DCAF13: variants seen among roughly 807,000 people sequenced by gnomAD.
DCAF13 encodes DDB1 and CUL4 associated factor 13.
DCAF13 carries 38 observed loss-of-function variants against 59.0 expected under a neutral mutation model. That is an observed-to-expected ratio of 0.64 (90% CI 0.50 to 0.84). DCAF13 has a LOEUF of 0.84. Ranked by LOEUF, DCAF13 falls within the 40% of genes least tolerant of loss-of-function variation. The pLI, the probability that DCAF13 is intolerant of heterozygous loss-of-function variation, is 0.00. For synonymous variants in DCAF13, 173 were observed against 175.0 expected (o/e 0.99, Z 0.09); for missense variants, 469 against 558.4 (o/e 0.84, Z 1.61).
rs1222458754 is a variant in DCAF13, at chr8:103,442,944, AAT to A, written c.*64_*65del. On this transcript the variant is annotated 3_prime_UTR_variant, in exon 11 of 11. Transcript: ENST00000612750. ...TTACTTTTGATTTGAGAACTCTACA[AAT>A]AAAAGTGCTGGGACTAGATTAATTG... 1.7e-6 allele frequency: 2 copies of A among 1,193,404 alleles called. No individual in the cohort carries two copies. The highest frequency in any genetic ancestry group is 2.4e-6 in the Non-Finnish European group (2 of 837,398). The allele number at this position is 1,193,404 out of a possible 1,614,324, so 73.9% of individuals were successfully genotyped here. A position where few individuals can be genotyped will look rare whatever the true frequency, so the allele number is the denominator to read the frequency against.
intron 8 of DCAF13, 61 bp downstream of exon 8, chr8:103,435,851 T>C: frequency 6.5e-7 from 1 of 1,531,710 alleles, no homozygotes; most frequent in South Asian, 1.1e-5. Flanking sequence ...GGATGCATTC[T>C]GAGAAATGAG....
At position 103,432,719 on chromosome 8, in the gene DCAF13, AC is replaced by A; in HGVS notation, c.764del (p.Thr255LysfsTer21). 6.2e-7 allele frequency: 1 copy of A among 1,600,956 alleles called. No individual in the cohort carries two copies. The highest frequency in any genetic ancestry group is 2.2e-5 in the East Asian group (1 of 44,684). ...CWNPMEAFIF[T>X]AANEDYNLYT... ...GAACCCTATGGAAGCTTTCATTTTT[AC>A]AGCAGCAAATGAAGATTATAAGTAA... On this transcript the variant is annotated frameshift_variant, in exon 7 of 11. Coordinates refer to ENST00000612750, the MANE Select transcript of DCAF13 (RefSeq NM_015420.7). LOFTEE classifies it high-confidence loss of function.
At chr8:103,416,943 G>C (rs544424804) in intron 1 of DCAF13, among the ~76,000 whole-genome samples, 166 of 152,322 alleles carry the variant, frequency 1.1e-3, no homozygotes, top group African/African-American at 3.9e-3. Context: ...CATCAGAGTA[G>C]ATAGAAATTT....
chr8:103,430,947 CTAAT>C (rs1306312260), intron 6 of DCAF13, among the ~76,000 whole-genome samples: 1 of 152,068 alleles, frequency 6.6e-6, no homozygotes, highest in Non-Finnish European at 1.5e-5. Flanking sequence ...TTTTAGGCCT[CTAAT>C]TAATACTTAC....
rs553951296 is a variant in DCAF13, at chr8:103,431,320, G to T, written c.702+631G>T. ...AAGGAGTGCCATTGTAAGTAAAAGG[G>T]TATAAAGTTTATTTCAGGTACTAGA... On this transcript the variant is annotated intron_variant, in intron 6 of 10. Coordinates refer to ENST00000612750, the MANE Select transcript of DCAF13 (RefSeq NM_015420.7). Among the ~76,000 whole-genome samples, 143 of 152,304 alleles carry T rather than the reference G, an allele frequency of 9.4e-4. 1 individual carries two copies. The highest frequency in any genetic ancestry group is 8.8e-4 in the Non-Finnish European group (60 of 68,020).
chr8:103,418,864 ATATTTTTTTTTTTT>A (rs1424096707), intron 1 of DCAF13, among the ~76,000 whole-genome samples: 29 of 27,954 alleles, frequency 1.0e-3, no homozygotes, highest in African/African-American at 5.2e-3. Flanking sequence ...ATATATATAT[ATATTTTTTTTTTTT>A]TTTTTTTTTT....
At chr8:103,421,677 T>C (rs1171097757) in intron 3 of DCAF13, among the ~76,000 whole-genome samples, 3 of 152,216 alleles carry the variant, frequency 2.0e-5, no homozygotes, top group Non-Finnish European at 2.9e-5. Flanking sequence ...CTCATATAAA[T>C]AGAAGCATAT....
In DCAF13 at chr8:103,440,253, T is replaced by C; in HGVS notation, c.1068T>C (p.Ala356=). 1 of 1,587,104 alleles carries C rather than the reference T, an allele frequency of 6.3e-7. No individual in the cohort carries two copies. Among genetic ancestry groups the C allele is most frequent in the Admixed American group, 1.8e-5 (1 of 54,466 alleles). Residue 356 remains alanine, a synonymous_variant, in exon 9 of 11, where the codon GCT becomes GCC. Transcript: ENST00000612750. The part of the protein sequence containing the change: ...EMNIRLWKAN[A]SEKLGVLTSR... ...ACATTCGCCTGTGGAAAGCTAATGC[T>C]TCTGAAAAATTGGGTGTGGTAAGAG...
intron 1 of DCAF13, among the ~76,000 whole-genome samples, chr8:103,418,486 T>G (rs754711199): frequency 3.9e-5 from 6 of 151,992 alleles, no homozygotes; most frequent in Non-Finnish European, 4.4e-5. Context: ...TAGGCTATAG[T>G]CATATCACTG....
intron 4 of DCAF13, among the ~76,000 whole-genome samples, chr8:103,426,684 T>C (rs1322263272): frequency 2.0e-5 from 3 of 152,200 alleles, no homozygotes; most frequent in African/African-American, 7.2e-5. Context: ...TTTACATTTT[T>C]ATATTAAGCA....
Position 103,432,708 on chromosome 8 carries a change from C to T in DCAF13, c.752C>T (p.Ala251Val), listed in dbSNP as rs1816883096. 1 of 1,605,498 alleles carries T rather than the reference C, an allele frequency of 6.2e-7. No homozygotes were observed. The highest frequency in any genetic ancestry group is 8.5e-7 in the Non-Finnish European group (1 of 1,173,562). Residue 251 changes from alanine (A) to valine (V), a missense_variant, in exon 7 of 11, where the codon GCT becomes GTT. Transcript: ENST00000612750. The stretch of plus-strand genomic sequence containing the variant: ...ACAATCTGTTGGAACCCTATGGAAG[C>T]TTTCATTTTTACAGCAGCAAATGAA... ...TNTICWNPME[A>V]FIFTAANEDY...
Position 103,420,348 on chromosome 8 carries a change from G to A in DCAF13, c.155G>A (p.Arg52Gln). The A allele has an allele frequency of 1.9e-6, 3 of 1,614,160 alleles. No homozygotes were observed. Among genetic ancestry groups the A allele is most frequent in the South Asian group, 1.1e-5 (1 of 91,064 alleles). Residue 52 changes from arginine (R) to glutamine (Q), a missense_variant, in exon 2 of 11, where the codon CGA becomes CAA. Around this residue, in one of 3 missense-constraint regions of DCAF13, gnomAD observed 355 missense variants for 399.1 expected, o/e 0.89. Coordinates refer to ENST00000612750, the MANE Select transcript of DCAF13 (RefSeq NM_015420.7). ...GCTTTAAATGCTACCAAACTGGAAC[G>A]AGTATTTGCAAAACCATTCCTTGCT... is the stretch of plus-strand genomic sequence containing the variant. ...IRALNATKLE[R>Q]VFAKPFLASL...
intron 8 of DCAF13, 32 bp from the exon 9 acceptor site, chr8:103,440,104 C>T: frequency 6.6e-7 from 1 of 1,503,930 alleles, no homozygotes; most frequent in Non-Finnish European, 8.8e-7. Flanking sequence ...TACCAAAATC[C>T]AAAGGGTTTT....
rs12675902 is a variant in DCAF13, at chr8:103,435,805, G to T, written c.950+15G>T. On this transcript the variant is annotated intron_variant, in intron 8 of 10. Coordinates refer to ENST00000612750, the MANE Select transcript of DCAF13 (RefSeq NM_015420.7). ...AGTCGAAGCAGGTATGTGCCTACCA[G>T]TAAGCCATTTATATTCATATGTCAC... 1.9e-6 allele frequency: 3 copies of T among 1,612,056 alleles called. No homozygotes were observed. The African/African-American group carries it at 4.0e-5, about 22-fold the overall frequency.
Position 103,421,060 on chromosome 8 carries a change from T to C in DCAF13, c.356T>C (p.Phe119Ser). The change falls in exon 3 of 11, where the codon TTT becomes TCT. Residue 119 changes from phenylalanine (F) to serine (S), a missense_variant. Physicochemically the swap from Phe to Ser is radical, Grantham distance 155. Around this residue, in one of 3 missense-constraint regions of DCAF13, gnomAD observed 355 missense variants for 399.1 expected, o/e 0.89. Transcript: ENST00000612750. The stretch of plus-strand genomic sequence containing the variant: ...TTTGTACGAGGAATATGTACTCGCT[T>C]TTGTGGGACTTCTTTTTTCACTGTA... ...EGFVRGICTR[F>S]CGTSFFTVGD... 2.5e-6 allele frequency: 4 copies of C among 1,610,948 alleles called. No individual in the cohort carries two copies. Among genetic ancestry groups the C allele is most frequent in the Non-Finnish European group, 3.4e-6 (4 of 1,177,202 alleles).
At chr8:103,420,152 G>T in intron 1 of DCAF13, 112 bp from the exon 2 acceptor site, 2 of 917,988 alleles carry the variant, frequency 2.2e-6, no homozygotes, top group Non-Finnish European at 3.4e-6. Flanking sequence ...TTAGTGTTAG[G>T]CATAGAACAA....
chr8:103,423,905 G>A (rs1381528243), intron 3 of DCAF13, among the ~76,000 whole-genome samples: 4 of 151,800 alleles, frequency 2.6e-5, no homozygotes, highest in South Asian at 2.1e-4. Flanking sequence ...GTCTTGCTAC[G>A]TTGCCCAGGC....
chr8:103,415,567 C>T (rs1394866291), intron 1 of DCAF13, 51 bp downstream of exon 1: 5 of 1,528,788 alleles, frequency 3.3e-6, no homozygotes, highest in Non-Finnish European at 2.6e-6. Context: ...GTCGTTGGGT[C>T]TAGCCTCGGC....
chr8:103,415,643 A>G (rs1816599538), intron 1 of DCAF13, 127 bp downstream of exon 1: 2 of 907,602 alleles, frequency 2.2e-6, no homozygotes, highest in Non-Finnish European at 1.6e-6. Flanking sequence ...ACCTTTCGCT[A>G]AGGCAAACTT....
Sources: allele counts gnomAD v4.1 joint callset (sites outside exome capture counted in the v4.1 genomes callset), GRCh38; gene constraint gnomAD v4.1.1; regional missense constraint gnomAD v4.1.1; transcripts MANE v1.5; gene names NCBI Gene and HGNC (gene_info 2026-07-23, HGNC 2026-07-21).